Variants in MSH3 observed in about 807,000 individuals in gnomAD.
MSH3 encodes the protein mutS homolog 3.
In MSH3, 106 loss-of-function variants were observed where a neutral mutation model predicts 123.3. That is an observed-to-expected ratio of 0.86 (90% CI 0.73 to 1.01). The LOEUF (loss-of-function observed/expected upper bound fraction) is 1.01, where lower values mean the gene tolerates loss of function less well. Among genes scored for constraint, MSH3 ranks in the 50% least tolerant of loss-of-function variants. The pLI is 0.00. For synonymous variants in MSH3, 515 were observed against 481.4 expected (o/e 1.07, Z -0.91); for missense variants, 1,459 against 1,347.6 (o/e 1.08, Z -1.29).
At chr5:80,808,161 A>G (rs1347717160) in intron 19 of MSH3, among the ~76,000 whole-genome samples, 2 of 152,144 alleles carry the variant, frequency 1.3e-5, no homozygotes, top group African/African-American at 4.8e-5. Flanking sequence ...TTACAGAAAA[A>G]TGCAACTGAG....
At chr5:80,747,808 C>T (rs887872913) in intron 12 of MSH3, among the ~76,000 whole-genome samples, 2 of 152,232 alleles carry the variant, frequency 1.3e-5, no homozygotes, top group Non-Finnish European at 2.9e-5. Flanking sequence ...TGGGTTTTAG[C>T]GTAGGAGCAG....
intron 12 of MSH3, among the ~76,000 whole-genome samples, 182 bp from the exon 13 acceptor site, chr5:80,761,364 A>C (rs1744028568): frequency 6.6e-6 from 1 of 152,102 alleles, no homozygotes; most frequent in Admixed American, 6.5e-5. Context: ...CCCTCCTCTC[A>C]ATGCATACGC....
intron 17 of MSH3, among the ~76,000 whole-genome samples, chr5:80,782,329 G>T (rs1024079372): frequency 2.0e-5 from 3 of 146,928 alleles, no homozygotes; most frequent in Admixed American, 1.4e-4. Flanking sequence ...AAGGATGGTA[G>T]CATCTATACT....
At chr5:80,851,787 G>GT (rs549213091) in intron 20 of MSH3, among the ~76,000 whole-genome samples, 22 of 152,186 alleles carry the variant, frequency 1.4e-4, no homozygotes, top group African/African-American at 5.1e-4. Flanking sequence ...ACACATCTTT[G>GT]TTTTTTCTGA....
chr5:80,741,264 C>G (rs1406583320), intron 10 of MSH3, among the ~76,000 whole-genome samples, 200 bp from the exon 11 acceptor site: 1 of 151,606 alleles, frequency 6.6e-6, no homozygotes, highest in Non-Finnish European at 1.5e-5. Flanking sequence ...CTATCTTTGT[C>G]TTGCATCAAT....
intron 10 of MSH3, among the ~76,000 whole-genome samples, chr5:80,739,796 AG>A (rs1743579284): frequency 6.6e-6 from 1 of 152,194 alleles, no homozygotes; most frequent in Non-Finnish European, 1.5e-5. Context: ...TCTCTTTTCC[AG>A]GGCTTTGGGG....
intron 8 of MSH3, among the ~76,000 whole-genome samples, chr5:80,686,348 G>T (rs551293897): frequency 5.0e-4 from 75 of 151,014 alleles, no homozygotes; most frequent in Non-Finnish European, 8.0e-4. Context: ...TGTCACCCAG[G>T]GGGCAGTGCA....
At position 80,864,841 on chromosome 5, in the gene MSH3, A is replaced by G. The variant is rs1580098589; in HGVS notation, c.3029A>G (p.His1010Arg). The G allele has an allele frequency of 6.2e-7, 1 of 1,612,904 alleles. No individual in the cohort carries two copies. The highest frequency in any genetic ancestry group is 8.5e-7 in the Non-Finnish European group (1 of 1,178,914). Residue 1010 changes from histidine (H) to arginine (R), a missense_variant, in exon 22 of 24, where the codon CAT becomes CGT. His to Arg is a conservative substitution (Grantham distance 29, BLOSUM62 0). Transcript: ENST00000265081. The part of the protein sequence containing the change: ...DVKSLTLFVT[H>R]YPPVCELEKN... ...AAATCCTTAACCCTGTTTGTCACCCATTATCCGCCAGTTTGTGAACTAGAA... is the reference window on the plus strand; with the variant it reads ...AAATCCTTAACCCTGTTTGTCACCCGTTATCCGCCAGTTTGTGAACTAGAA...
chr5:80,659,032 G>A (rs1041646561), intron 2 of MSH3, among the ~76,000 whole-genome samples: 15 of 152,230 alleles, frequency 9.9e-5, no homozygotes, highest in African/African-American at 3.6e-4. Context: ...TCAGGAGTTC[G>A]AGACCAGCCT....
At chr5:80,669,438 C>T (rs1650653) in intron 3 of MSH3, among the ~76,000 whole-genome samples, 42,221 of 151,992 alleles carry the variant, frequency 0.28, 6,104 homozygotes, top group Middle Eastern at 0.35. Flanking sequence ...GTCTAATAAG[C>T]GAGGAATTTT....
intron 20 of MSH3, among the ~76,000 whole-genome samples, chr5:80,852,447 C>A (rs568118818): frequency 6.6e-6 from 1 of 152,324 alleles, no homozygotes; most frequent in South Asian, 2.1e-4. Context: ...CCAAAGATTT[C>A]TTTCTGTCAG....
intron 20 of MSH3, among the ~76,000 whole-genome samples, chr5:80,839,719 A>G (rs1454217387): frequency 6.6e-6 from 1 of 152,214 alleles, no homozygotes; most frequent in Admixed American, 6.5e-5. Flanking sequence ...CCTTCTATAT[A>G]TATTTTTTGC....
At chr5:80,681,660 AT>A (rs1749971243) in intron 8 of MSH3, among the ~76,000 whole-genome samples, 3 of 149,320 alleles carry the variant, frequency 2.0e-5, no homozygotes, top group Admixed American at 2.0e-4. Flanking sequence ...CTTAGTATAT[AT>A]TTTATTAATT....
At chr5:80,780,487 G>A (rs73125417) in intron 17 of MSH3, among the ~76,000 whole-genome samples, 17,721 of 152,240 alleles carry the variant, frequency 0.12, 1,473 homozygotes, top group East Asian at 0.32. Context: ...CCAGCCATCC[G>A]GCAGCCAGAT....
At chr5:80,848,875 A>G in intron 20 of MSH3, among the ~76,000 whole-genome samples, 1 of 152,162 alleles carries the variant, frequency 6.6e-6, no homozygotes, top group Middle Eastern at 3.2e-3. Context: ...CCTTCCCAAC[A>G]GTCCCCTGGG....
At chr5:80,748,970 T>G (rs7711263) in intron 12 of MSH3, among the ~76,000 whole-genome samples, 8,234 of 152,194 alleles carry the variant, frequency 0.054, 540 homozygotes, top group African/African-American at 0.16. Context: ...CTTTAAAAAT[T>G]AAAAGAAATT....
intron 17 of MSH3, among the ~76,000 whole-genome samples, chr5:80,784,348 GGGCAGTTA>G (rs1744467082): frequency 6.6e-6 from 1 of 151,870 alleles, no homozygotes; most frequent in Admixed American, 6.6e-5. Context: ...TAAACACCCA[GGGCAGTTA>G]GGTCAATGCA....
rs1824839 is a variant in MSH3 at position 80,665,543 on chromosome 5, G to A, written c.579+180G>A. Among the ~76,000 whole-genome samples the A allele has an allele frequency of 0.28, 42,129 of 151,930 alleles. 6,077 individuals are homozygous for A. The highest frequency in any genetic ancestry group is 0.35 in the Middle Eastern group (103 of 294). ...TACATCCCTGGAGATTCGATTTACT[G>A]TGTTTTGGGAGGGATTAATTGGTTT... On this transcript the variant is annotated intron_variant, in intron 3 of 23. Transcript: ENST00000265081.
In MSH3 at chr5:80,761,545, G is replaced by A. The variant is rs367544716; in HGVS notation, c.1764-1G>A. ...TTATTGCTATTACTCTTTTCTCACA[G>A]GGAAATAAATGCCCGGCTTGATGCT... On this transcript the variant is annotated splice_acceptor_variant, in intron 12 of 23. Transcript: ENST00000265081. LOFTEE classifies it high-confidence loss of function. 45 of 1,613,948 alleles carry A rather than the reference G, an allele frequency of 2.8e-5. No homozygotes were observed. Among genetic ancestry groups the A allele is most frequent in the Non-Finnish European group, 3.1e-5 (37 of 1,179,986 alleles).
Sources: gnomAD v4.1 joint callset for allele counts (sites outside exome capture counted in the v4.1 genomes callset) on GRCh38, gnomAD v4.1.1 for gene constraint, MANE v1.5 for transcripts, NCBI Gene and HGNC (gene_info 2026-07-23, HGNC 2026-07-21) for gene names.